ST7L: variants seen among roughly 807,000 people sequenced by gnomAD.
The protein encoded by ST7L is suppression of tumorigenicity 7 like, also known as suppressor of tumorigenicity 7 protein-like.
A neutral mutation model predicts 72.5 loss-of-function variants in ST7L; 57 were observed. That is an observed-to-expected ratio of 0.79 (90% CI 0.64 to 0.98). The LOEUF (loss-of-function observed/expected upper bound fraction) is 0.98, where lower values mean the gene tolerates loss of function less well. Ranked by LOEUF, ST7L falls within the 50% of genes least tolerant of loss-of-function variation. The pLI is 0.00. For missense variants in ST7L, 576 were observed against 672.2 expected, an observed-to-expected ratio of 0.86 and a Z score of 1.58; for synonymous variants, 221 against 240.9, an observed-to-expected ratio of 0.92 and a Z score of 0.77.
chr1:112,583,353 T>C lies in ST7L; in HGVS notation c.856+619A>G, dbSNP rs139825426. On this transcript the variant is annotated intron_variant, in intron 7 of 14. Coordinates refer to ENST00000358039, the MANE Select transcript of ST7L (RefSeq NM_017744.5). ...AGCAGCATCATTGCTGATTCTAACA[T>C]CTTTGGTAAAAAAAAATCTCAATCA... Among the ~76,000 whole-genome samples the C allele has an allele frequency of 6.4e-3, 978 of 152,256 alleles. 7 individuals are homozygous for C. Among genetic ancestry groups the C allele is most frequent in the Non-Finnish European group, 0.01 (694 of 68,010 alleles).
intron 14 of ST7L, among the ~76,000 whole-genome samples, chr1:112,536,703 A>T (rs1655263667): frequency 6.6e-6 from 1 of 152,108 alleles, no homozygotes; most frequent in Admixed American, 6.6e-5. Context: ...TTAATCAAGC[A>T]GATTGTAAGG....
chr1:112,577,516 G>A (rs1199800314), intron 10 of ST7L, among the ~76,000 whole-genome samples: 3 of 119,382 alleles, frequency 2.5e-5, no homozygotes, highest in South Asian at 3.0e-4. Flanking sequence ...GGCAACAAGA[G>A]TGAAACTCTG....
At chr1:112,520,443 C>G, downstream of ST7L, 1 of 1,614,182 alleles carries the variant, frequency 6.2e-7, no homozygotes, top group Non-Finnish European at 8.5e-7. Context: ...GCAAGGAATG[C>G]AGAAATACTG....
chr1:112,533,940 A>C (rs147480651), intron 14 of ST7L, among the ~76,000 whole-genome samples: 1,713 of 152,276 alleles, frequency 0.011, 14 homozygotes, highest in Non-Finnish European at 0.018. Context: ...TCAGCCTCCC[A>C]AAGTGCTGGG....
At position 112,568,889 on chromosome 1, in the gene ST7L, A is replaced by ATATATATAT. The variant is rs1553247624; in HGVS notation, c.1245+8096_1245+8097insATATATATA. Among the ~76,000 whole-genome samples, 587 of 115,460 alleles carry ATATATATAT rather than the reference A, an allele frequency of 5.1e-3. 2 individuals are homozygous for ATATATATAT. Among genetic ancestry groups the ATATATATAT allele is most frequent in the African/African-American group, 0.011 (328 of 30,006 alleles). 75.7% of individuals were successfully genotyped at this position (115,460 alleles called of 152,430 possible). A position where few individuals can be genotyped will look rare whatever the true frequency, so the allele number is the denominator to read the frequency against. On this transcript the variant is annotated intron_variant, in intron 11 of 14. Transcript: ENST00000358039. ...ATATATATATATATATATATATATAAAACAAAAATTTAAAAATATGCAACT... is the reference window on the plus strand; with the variant it reads ...ATATATATATATATATATATATATAATATATATATAACAAAAATTTAAAAATATGCAACT...
chr1:112,526,861 C>T (rs1260795297), intron 14 of ST7L: 1 of 152,200 alleles, frequency 6.6e-6, no homozygotes, highest in Non-Finnish European at 1.5e-5. Flanking sequence ...AAGAAACTCC[C>T]ATCCCAAGCC....
chr1:112,542,227 G>C (rs1656218922), intron 13 of ST7L, 137 bp from the exon 14 acceptor site: 1 of 788,522 alleles, frequency 1.3e-6, no homozygotes. Flanking sequence ...GCTAAGCAAG[G>C]TAGAAGACAG....
Position 112,584,015 on chromosome 1 carries a change from T to C in ST7L, c.813A>G (p.Ser271=). 1 of 1,614,194 alleles carries C rather than the reference T, an allele frequency of 6.2e-7. No homozygotes were observed. ...LKAGETIYRQ[S]QQCQHQSPQH... is the part of the protein sequence containing the mutation. ...GAGGACTTTGGTGCTGGCACTGCTG[T>C]GACTGCCTATAAATTGTTTCTCCTG... is the stretch of plus-strand genomic sequence containing the variant. Residue 271 remains serine (S), a synonymous_variant, in exon 7 of 15, where the codon TCA becomes TCG. Coordinates refer to ENST00000358039, the MANE Select transcript of ST7L (RefSeq NM_017744.5).
At chr1:112,609,288 T>C (rs1037250845) in intron 3 of ST7L, among the ~76,000 whole-genome samples, 1 of 152,154 alleles carries the variant, frequency 6.6e-6, no homozygotes, top group African/African-American at 2.4e-5. Flanking sequence ...TCCTAGCACT[T>C]TGGGAAGCCG....
chr1:112,553,093 A>AAAAAC (rs1553242330), intron 12 of ST7L, among the ~76,000 whole-genome samples: 5 of 152,120 alleles, frequency 3.3e-5, no homozygotes, highest in Non-Finnish European at 7.4e-5. Context: ...TAGACTTAAA[A>AAAAAC]AAAACAAAAC....
At chr1:112,579,908 G>A (rs1663810464) in intron 9 of ST7L, among the ~76,000 whole-genome samples, 1 of 152,094 alleles carries the variant, frequency 6.6e-6, no homozygotes, top group South Asian at 2.1e-4. Context: ...CAGTCCCTAA[G>A]CTTGCTCATC....
rs1667261243 is a variant in ST7L at position 112,600,777 on chromosome 1, A to G, written c.506+17T>C. On this transcript the variant is annotated intron_variant, in intron 4 of 14. Transcript: ENST00000358039. ...TAAAACCAATGCCCTACTTATACTG[A>G]AAGCAAAATGTAATACCTCCTATAT... The G allele has an allele frequency of 1.2e-6, 2 of 1,606,366 alleles. No individual in the cohort carries two copies. Among genetic ancestry groups the G allele is most frequent in the South Asian group, 2.2e-5 (2 of 90,220 alleles).
chr1:112,556,983 AAC>A lies in ST7L; in HGVS notation c.1246-967_1246-966del, dbSNP rs1182137429. On this transcript the variant is annotated intron_variant, in intron 11 of 14. Transcript: ENST00000358039. Reference sequence around the variant, plus strand: ...CTCTGTCTCAAAAAAAAAAAAAAAAAACAAAAAAAAAAAAACACAAAGAAAAG... The same window carrying A: ...CTCTGTCTCAAAAAAAAAAAAAAAAAAAAAAAAAAAAAACACAAAGAAAAG... 2.3e-3 allele frequency among the ~76,000 whole-genome samples: 276 copies of A among 122,548 alleles called. 9 individuals are homozygous for A. Among genetic ancestry groups the A allele is most frequent in the East Asian group, 5.1e-3 (20 of 3,892 alleles). 80.4% of individuals were successfully genotyped at this position (122,548 alleles called of 152,430 possible).
At chr1:112,609,812 T>C (rs1234327516) in intron 3 of ST7L, among the ~76,000 whole-genome samples, 2 of 152,132 alleles carry the variant, frequency 1.3e-5, no homozygotes, top group Non-Finnish European at 2.9e-5. Flanking sequence ...CAGACAAGAT[T>C]CTGTCTCTAA....
chr1:112,555,780 A>C, intron 12 of ST7L, 88 bp downstream of exon 12: 2 of 1,259,504 alleles, frequency 1.6e-6, no homozygotes, highest in Middle Eastern at 4.2e-4. Flanking sequence ...TCCTTATGGA[A>C]ACCCAGACAA....
intron 10 of ST7L, among the ~76,000 whole-genome samples, chr1:112,577,530 CAAAAAAA>C (rs527682647): frequency 2.1e-4 from 5 of 24,102 alleles, no homozygotes; most frequent in South Asian, 1.2e-3. Context: ...AACTCTGTCT[CAAAAAAA>C]AAAAAAAAAA....
At chr1:112,542,787 A>C (rs1656345893) in intron 13 of ST7L, among the ~76,000 whole-genome samples, 1 of 141,418 alleles carries the variant, frequency 7.1e-6, no homozygotes, top group East Asian at 2.2e-4. Flanking sequence ...AAATAAATAA[A>C]TACATTTGAG....
chr1:112,618,992 C>G lies in ST7L; in HGVS notation c.122G>C (p.Gly41Ala), dbSNP rs774231203. 3.7e-6 allele frequency: 6 copies of G among 1,611,904 alleles called. No homozygotes were observed. The South Asian group carries it at 6.6e-5, about 18-fold the overall frequency. Residue 41 changes from glycine (G) to alanine (A), a missense_variant, in exon 1 of 15, where the codon GGG becomes GCG. By Grantham distance (60) the Gly-to-Ala change is moderately conservative. Coordinates refer to ENST00000358039, the MANE Select transcript of ST7L (RefSeq NM_017744.5). ...ERLRAGLAGT[G>A]ASLWFVAGLG... is the part of the protein sequence containing the mutation. ...CCCCGCCACGAACCACAACGAGGCC[C>G]CAGTCCCCGCCAGCCCGGCCCGCAG...
chr1:112,565,211 ATTTTTTT>A (rs777969643), intron 11 of ST7L, among the ~76,000 whole-genome samples: 63 of 57,946 alleles, frequency 1.1e-3, no homozygotes, highest in South Asian at 2.2e-3. Context: ...TGTTCGGCTA[ATTTTTTT>A]TTTTTTTTTT....
Sources: allele counts gnomAD v4.1 joint callset (sites outside exome capture counted in the v4.1 genomes callset), GRCh38; gene constraint gnomAD v4.1.1; transcripts MANE v1.5; gene names NCBI Gene and HGNC (gene_info 2026-07-23, HGNC 2026-07-21).